DOCK4: variants seen among roughly 807,000 people sequenced by gnomAD.
DOCK4 encodes dedicator of cytokinesis protein 4.
A neutral mutation model predicts 268.1 loss-of-function variants in DOCK4; 97 were observed. The ratio of observed to expected loss-of-function variants is 0.36; its 90% CI spans 0.31 to 0.43. The LOEUF (loss-of-function observed/expected upper bound fraction) is 0.43. Among genes scored for constraint, DOCK4 ranks in the 20% least tolerant of loss-of-function variants. The pLI is 1.00. For missense variants in DOCK4, 2,145 were observed against 2,455.7 expected (o/e 0.87, Z 2.67); for synonymous variants, 954 against 887.2 (o/e 1.08, Z -1.34).
chr7:112,146,544 C>T (rs1253449545), intron 1 of DOCK4, among the ~76,000 whole-genome samples: 1 of 152,108 alleles, frequency 6.6e-6, no homozygotes, highest in African/African-American at 2.4e-5. Flanking sequence ...CCAGCCTAGG[C>T]AATGTGGCGA....
chr7:112,095,201 A>G (rs1421048921), intron 1 of DOCK4, among the ~76,000 whole-genome samples: 1 of 152,202 alleles, frequency 6.6e-6, no homozygotes, highest in Non-Finnish European at 1.5e-5. Context: ...GATTATGAGC[A>G]AGGAGGAGTC....
intron 13 of DOCK4, among the ~76,000 whole-genome samples, chr7:111,908,406 C>A (rs1307967218): frequency 6.6e-6 from 1 of 151,658 alleles, no homozygotes; most frequent in African/African-American, 2.4e-5. Flanking sequence ...CGAGATCGTG[C>A]CACTGCACTC....
chr7:112,042,904 G>A (rs1028562550), intron 1 of DOCK4, among the ~76,000 whole-genome samples: 2 of 152,182 alleles, frequency 1.3e-5, no homozygotes, highest in Non-Finnish European at 1.5e-5. Flanking sequence ...CCATGAAAGC[G>A]GGTTGTTACA....
chr7:111,771,692 G>A (rs1057051072), intron 36 of DOCK4, among the ~76,000 whole-genome samples: 14 of 152,166 alleles, frequency 9.2e-5, no homozygotes, highest in East Asian at 1.9e-4. Flanking sequence ...TATAATAAAC[G>A]CTAAGTATCT....
At chr7:112,014,290 T>G (rs957527490) in intron 1 of DOCK4, among the ~76,000 whole-genome samples, 1 of 152,240 alleles carries the variant, frequency 6.6e-6, no homozygotes, top group Non-Finnish European at 1.5e-5. Flanking sequence ...TAATCCATTT[T>G]ATTAGTTTTT....
At chr7:112,086,886 A>G (rs965779765) in intron 1 of DOCK4, among the ~76,000 whole-genome samples, 1 of 152,114 alleles carries the variant, frequency 6.6e-6, no homozygotes, top group African/African-American at 2.4e-5. Context: ...AAGCAAAGGC[A>G]CCTAGGAGAA....
chr7:111,769,282 A>T (rs1233479272), intron 37 of DOCK4, among the ~76,000 whole-genome samples: 1 of 152,140 alleles, frequency 6.6e-6, no homozygotes, highest in Non-Finnish European at 1.5e-5. Flanking sequence ...AAAATCACAG[A>T]TTCCCCAGCC....
At chr7:112,129,429 G>A (rs1813589540) in intron 1 of DOCK4, among the ~76,000 whole-genome samples, 1 of 152,012 alleles carries the variant, frequency 6.6e-6, no homozygotes, top group Non-Finnish European at 1.5e-5. Context: ...TTGTTTGATG[G>A]AACAATTCTG....
chr7:112,117,181 T>A (rs12705805), intron 1 of DOCK4, among the ~76,000 whole-genome samples: 1 of 151,998 alleles, frequency 6.6e-6, no homozygotes, highest in African/African-American at 2.4e-5. Context: ...GGGAGTCCCA[T>A]AGCTTTGCTC....
chr7:111,757,330 G>A (rs1038917173), intron 41 of DOCK4, among the ~76,000 whole-genome samples: 2 of 152,034 alleles, frequency 1.3e-5, no homozygotes, highest in Admixed American at 6.6e-5. Context: ...TGGAGAAGGA[G>A]GCAGAAAATG....
chr7:111,875,399 C>T (rs1007819035), intron 17 of DOCK4, among the ~76,000 whole-genome samples: 5 of 152,170 alleles, frequency 3.3e-5, no homozygotes, highest in Admixed American at 3.3e-4. Context: ...AAATTCAGTA[C>T]ATAGGACCAA....
In DOCK4 at chr7:112,059,324, A is replaced by G. The variant is rs564674096; in HGVS notation, c.38-55193T>C. ...TGCCTGGACAATTTTTTGTATTTTT[A>G]GTAGAGACAGAGTTTCACCATGCTG... is the stretch of plus-strand genomic sequence containing the variant. On this transcript the variant is annotated intron_variant, in intron 1 of 52. Coordinates refer to ENST00000428084, the MANE Select transcript of DOCK4 (RefSeq NM_001363540.2). Among the ~76,000 whole-genome samples, 42 of 151,768 alleles carry G rather than the reference A, an allele frequency of 2.8e-4. No homozygotes were observed. In the East Asian group the frequency reaches 7.2e-3, roughly 26 times the overall value.
intron 25 of DOCK4, among the ~76,000 whole-genome samples, chr7:111,842,956 T>C (rs1361334853): frequency 1.3e-5 from 2 of 152,322 alleles, no homozygotes; most frequent in East Asian, 1.9e-4. Context: ...AAACAGAAGG[T>C]TTATGTAAGA....
At position 112,000,967 on chromosome 7, in the gene DOCK4, C is replaced by T. The variant is rs1800378019; in HGVS notation, c.122-433G>A. ...AGATTTCATACATTTCCAAATTCTA[C>T]TTGCCTGACTACAAACGCCAGACTC... On this transcript the variant is annotated intron_variant, in intron 2 of 52. Coordinates refer to ENST00000428084, the MANE Select transcript of DOCK4 (RefSeq NM_001363540.2). Among the ~76,000 whole-genome samples the T allele has an allele frequency of 2.0e-5, 3 of 152,308 alleles. No individual in the cohort carries two copies. The South Asian group carries it at 6.2e-4, about 32-fold the overall frequency.
At chr7:111,855,867 G>A (rs1441719396) in intron 23 of DOCK4, among the ~76,000 whole-genome samples, 2 of 152,088 alleles carry the variant, frequency 1.3e-5, no homozygotes, top group African/African-American at 4.8e-5. Context: ...TAATACTGTG[G>A]AGTCTGTCCA....
chr7:111,990,170 A>G (rs1799408317), intron 5 of DOCK4, among the ~76,000 whole-genome samples: 1 of 152,148 alleles, frequency 6.6e-6, no homozygotes, highest in Admixed American at 6.5e-5. Context: ...CCCAGAAAAA[A>G]TATGTAAGTA....
Position 112,185,907 on chromosome 7 carries a change from G to A in DOCK4, c.37+20195C>T, listed in dbSNP as rs1411814789. ...CTGCCATCACTGGCTGCAGCTGAGGGTAGGAGTCACTTTGGTGGAAGGACC... is the reference window on the plus strand; with the variant it reads ...CTGCCATCACTGGCTGCAGCTGAGGATAGGAGTCACTTTGGTGGAAGGACC... On this transcript the variant is annotated intron_variant, in intron 1 of 52. Transcript: ENST00000428084. Among the ~76,000 whole-genome samples, 3 of 152,246 alleles carry A rather than the reference G, an allele frequency of 2.0e-5. No homozygotes were observed. The East Asian group carries it at 5.8e-4, about 29-fold the overall frequency.
chr7:111,977,188 T>C lies in DOCK4; in HGVS notation c.645A>G (p.Gly215=), dbSNP rs947867231. 1.9e-6 allele frequency: 3 copies of C among 1,612,528 alleles called. No homozygotes were observed. The African/African-American group carries it at 4.0e-5, about 22-fold the overall frequency. The change falls in exon 8 of 53, where the codon GGA becomes GGG. Residue 215 remains glycine (G), a synonymous_variant. Transcript: ENST00000428084. ...GTGAGAAGATGACCTCCAGCTCCTCTCCCAGGTTGGAACACATGAGGCTCT... is the reference window on the plus strand; with the variant it reads ...GTGAGAAGATGACCTCCAGCTCCTCCCCCAGGTTGGAACACATGAGGCTCT... The part of the protein sequence containing the change: ...QMKSLMCSNL[G]EELEVIFSLF...
At chr7:111,842,965 G>A (rs1342757454) in intron 25 of DOCK4, among the ~76,000 whole-genome samples, 1 of 152,172 alleles carries the variant, frequency 6.6e-6, no homozygotes, top group East Asian at 1.9e-4. Context: ...GTTTATGTAA[G>A]ATCCAGAGCT....
Sources: allele counts gnomAD v4.1 joint callset (sites outside exome capture counted in the v4.1 genomes callset), GRCh38; gene constraint gnomAD v4.1.1; transcripts MANE v1.5; gene names NCBI Gene and HGNC (gene_info 2026-07-23, HGNC 2026-07-21).